Variants in SIPA1L2 observed in about 807,000 individuals in gnomAD.
The protein encoded by SIPA1L2 is signal-induced proliferation-associated 1-like protein 2.
Under a neutral mutation model 163.9 loss-of-function variants are expected in SIPA1L2, and 56 were observed. The observed-to-expected ratio is 0.34, with a 90% CI of 0.28 to 0.43. The LOEUF (loss-of-function observed/expected upper bound fraction) is 0.43, where lower values mean the gene tolerates loss of function less well. Ranked by LOEUF, SIPA1L2 falls within the 20% of genes least tolerant of loss-of-function variation. The pLI is 1.00. For missense variants in SIPA1L2, 1,974 were observed against 2,193.5 expected, an observed-to-expected ratio of 0.90 and a Z score of 2.00; for synonymous variants, 877 against 865.7, an observed-to-expected ratio of 1.01 and a Z score of -0.23.
intron 10 of SIPA1L2, among the ~76,000 whole-genome samples, chr1:232,446,385 T>C (rs1465268078): frequency 6.6e-6 from 1 of 152,162 alleles, no homozygotes; most frequent in African/African-American, 2.4e-5. Context: ...TAAGCAAATA[T>C]TCGTCATTTT....
intron 9 of SIPA1L2, among the ~76,000 whole-genome samples, chr1:232,461,429 T>C (rs975677605): frequency 2.0e-5 from 3 of 152,244 alleles, no homozygotes; most frequent in Non-Finnish European, 4.4e-5. Flanking sequence ...CTAAGTCATA[T>C]CTGTTCTTGA....
At chr1:232,561,970 C>T (rs1362879235) in intron 2 of SIPA1L2, among the ~76,000 whole-genome samples, 1 of 152,202 alleles carries the variant, frequency 6.6e-6, no homozygotes, top group African/African-American at 2.4e-5. Flanking sequence ...TAAAGCCAAC[C>T]ACCTGATGGG....
intron 2 of SIPA1L2, among the ~76,000 whole-genome samples, chr1:232,542,244 A>G (rs767786977): frequency 1.2e-4 from 18 of 152,212 alleles, no homozygotes; most frequent in Non-Finnish European, 2.1e-4. Context: ...TTAATCCTCA[A>G]TACAATTATT....
At chr1:232,441,251 CTGGCT>C (rs751732728) in intron 14 of SIPA1L2, 35 bp downstream of exon 14, 2 of 1,503,970 alleles carry the variant, frequency 1.3e-6, no homozygotes, top group African/African-American at 2.8e-5. Flanking sequence ...CAGATCAGTC[CTGGCT>C]AGGCCAGTGA....
chr1:232,564,235 CGTGTGTGTGTGT>C (rs59088753), intron 2 of SIPA1L2, among the ~76,000 whole-genome samples: 4,111 of 29,628 alleles, frequency 0.14, 411 homozygotes, highest in South Asian at 0.2. Context: ...TTTTTTTTTT[CGTGTGTGTGTGT>C]GTGTGTGTGT....
chr1:232,607,653 G>A (rs1277969430), intron 1 of SIPA1L2, among the ~76,000 whole-genome samples: 1 of 151,892 alleles, frequency 6.6e-6, no homozygotes. Context: ...CTTTCCGCCA[G>A]TGCCATGGAA....
intron 1 of SIPA1L2, among the ~76,000 whole-genome samples, chr1:232,594,003 G>A (rs1661106259): frequency 1.3e-5 from 2 of 152,082 alleles, no homozygotes; most frequent in Non-Finnish European, 2.9e-5. Flanking sequence ...CCCAAGCGGT[G>A]GGACCTCTGA....
At chr1:232,499,497 T>C (rs918697141) in intron 3 of SIPA1L2, among the ~76,000 whole-genome samples, 5 of 152,206 alleles carry the variant, frequency 3.3e-5, no homozygotes, top group African/African-American at 1.2e-4. Context: ...TTCAATTCTA[T>C]GAAGGCTGAC....
chr1:232,445,898 G>GA, intron 10 of SIPA1L2, 112 bp from the exon 11 acceptor site: 1 of 1,220,764 alleles, frequency 8.2e-7, no homozygotes, highest in Non-Finnish European at 1.2e-6. Context: ...GCCTCTCCCG[G>GA]CTCCAAGTCA....
chr1:232,514,891 T>C lies in SIPA1L2; in HGVS notation c.449A>G (p.Gln150Arg). Residue 150 changes from glutamine to arginine, a missense_variant, in exon 3 of 23, where the codon CAA (glutamine) becomes CGA (arginine). Transcript: ENST00000674635. ...TIGDIFVHSP[Q>R]RGLHPIRQRS... The stretch of plus-strand genomic sequence containing the variant: ...CTGTCTTATGGGGTGAAGTCCTCTT[T>C]GGGGGGAATGGACAAAGATGTCTCC... 6.2e-7 allele frequency: 1 copy of C among 1,614,096 alleles called. No homozygotes were observed. The highest frequency in any genetic ancestry group is 1.1e-5 in the South Asian group (1 of 91,070).
chr1:232,465,827 A>G lies in SIPA1L2; in HGVS notation c.2244-411T>C, dbSNP rs1330214678. 1.3e-5 allele frequency among the ~76,000 whole-genome samples: 2 copies of G among 151,438 alleles called. No individual in the cohort carries two copies. Among genetic ancestry groups the G allele is most frequent in the East Asian group, 2.0e-4 (1 of 5,102 alleles). On this transcript the variant is annotated intron_variant, in intron 8 of 22. Coordinates refer to ENST00000674635, the MANE Select transcript of SIPA1L2 (RefSeq NM_020808.5). This position sits in a 1 kb window ranked among gnomAD's most constrained non-coding sequence, Gnocchi z 4.1. ...CCTAATCCAACTGACTGGTGTCCTT[A>G]TAAGAGGAGAAAATTTGGGCTTACA...
intron 1 of SIPA1L2, among the ~76,000 whole-genome samples, chr1:232,605,443 C>T (rs1021252507): frequency 3.3e-5 from 5 of 152,180 alleles, no homozygotes; most frequent in African/African-American, 4.8e-5. Flanking sequence ...GCCTGTAATT[C>T]CAGAACTTTG....
At chr1:232,524,672 C>T (rs1413614162) in intron 2 of SIPA1L2, among the ~76,000 whole-genome samples, 1 of 151,974 alleles carries the variant, frequency 6.6e-6, no homozygotes, top group African/African-American at 2.4e-5. Flanking sequence ...ACTACACAAT[C>T]CCAATTTTTT....
chr1:232,597,685 G>A (rs1448655455), intron 1 of SIPA1L2, among the ~76,000 whole-genome samples: 1 of 62,970 alleles, frequency 1.6e-5, no homozygotes, highest in East Asian at 4.0e-4. Flanking sequence ...GCGAAACTCT[G>A]TCTCAAAAAA....
chr1:232,536,371 T>C (rs1038808943), intron 2 of SIPA1L2, among the ~76,000 whole-genome samples: 4 of 152,210 alleles, frequency 2.6e-5, no homozygotes, highest in Admixed American at 2.0e-4. Context: ...GGAGGGAATC[T>C]AACTTAAGGC....
At chr1:232,434,236 A>C (rs1240904380) in intron 15 of SIPA1L2, among the ~76,000 whole-genome samples, 1 of 152,232 alleles carries the variant, frequency 6.6e-6, no homozygotes, top group Non-Finnish European at 1.5e-5. Flanking sequence ...TAAAGTATAA[A>C]AATAAGAGTG....
intron 10 of SIPA1L2, among the ~76,000 whole-genome samples, chr1:232,448,075 T>C (rs1383545080): frequency 6.6e-6 from 1 of 152,148 alleles, no homozygotes; most frequent in Non-Finnish European, 1.5e-5. Flanking sequence ...GCATCACAGC[T>C]CCCTAAAAGG....
intron 10 of SIPA1L2, among the ~76,000 whole-genome samples, chr1:232,455,286 A>G (rs73092870): frequency 0.01 from 1,565 of 152,346 alleles, 31 homozygotes; most frequent in African/African-American, 0.036. Context: ...GAACTCGAAT[A>G]TAAAAAGCTC....
At chr1:232,588,864 C>T (rs377385885) in intron 1 of SIPA1L2, among the ~76,000 whole-genome samples, 3 of 152,026 alleles carry the variant, frequency 2.0e-5, no homozygotes, top group South Asian at 2.1e-4. Context: ...TTATTTTTCA[C>T]GAAAGTATTA....
Sources: allele counts gnomAD v4.1 joint callset (sites outside exome capture counted in the v4.1 genomes callset), GRCh38; gene constraint gnomAD v4.1.1; non-coding constraint Gnocchi (gnomAD v3.1); transcripts MANE v1.5; gene names NCBI Gene and HGNC (gene_info 2026-07-23, HGNC 2026-07-21).